Variants in SRPX2 observed in about 807,000 individuals in gnomAD.
SRPX2 encodes the protein sushi repeat containing protein X-linked 2.
In SRPX2, 26 loss-of-function variants were observed where a neutral mutation model predicts 45.3. The ratio of observed to expected loss-of-function variants is 0.57; its 90% CI spans 0.42 to 0.80. The LOEUF (loss-of-function observed/expected upper bound fraction) is 0.80, where lower values mean the gene tolerates loss of function less well. SRPX2 is among the 30% of genes least tolerant of loss of function. SRPX2 has a pLI of 0.00. For missense variants in SRPX2, 355 were observed against 399.8 expected, an observed-to-expected ratio of 0.89 and a Z score of 0.95; for synonymous variants, 125 against 143.7, an observed-to-expected ratio of 0.87 and a Z score of 0.93.
Position 100,673,589 on chromosome X carries a change from CACAT to C in SRPX2, c.*2606_*2609del, listed in dbSNP as rs2083238632. On this transcript the variant is annotated 3_prime_UTR_variant, in exon 11 of 11. Transcript: ENST00000373004. The stretch of plus-strand genomic sequence containing the variant: ...CCTATTTCTCTGTCTCTCTCTCTCT[CACAT>C]ACACACACACTCACTCACAAGCAGT... The C allele has an allele frequency of 9.0e-6, 1 of 111,524 alleles. No individual in the cohort carries two copies. The highest frequency in any genetic ancestry group is 1.9e-5 in the Non-Finnish European group (1 of 53,201). 9.2% of individuals were successfully genotyped at this position (111,524 alleles called of 1,213,427 possible). A position where few individuals can be genotyped will look rare whatever the true frequency, so the allele number is the denominator to read the frequency against.
intron 2 of SRPX2, chrX:100,649,393 C>T (rs2083145339): frequency 9.3e-6 from 1 of 107,622 alleles, no homozygotes; most frequent in African/African-American, 3.6e-5. Context: ...ACCAAAGAAA[C>T]CTCCCATTAT....
At chrX:100,654,082 G>C (rs1429051296) in intron 3 of SRPX2, among the ~76,000 whole-genome samples, 1 of 112,301 alleles carries the variant, frequency 8.9e-6, no homozygotes, top group Admixed American at 9.4e-5. Flanking sequence ...ATAGTTTGGA[G>C]AGGTGGCTAG....
At chrX:100,661,920 A>G (rs1367622269) in intron 3 of SRPX2, among the ~76,000 whole-genome samples, 2 of 89,393 alleles carry the variant, frequency 2.2e-5, no homozygotes, top group Non-Finnish European at 4.3e-5. Context: ...TGTGAGACTT[A>G]GGTCGAGGTG....
In SRPX2 at chrX:100,669,146, C is replaced by T; in HGVS notation, c.1096-102C>T. On this transcript the variant is annotated intron_variant, in intron 9 of 10. Coordinates refer to ENST00000373004, the MANE Select transcript of SRPX2 (RefSeq NM_014467.3). ...CGTGATCATTGGGGGAGAAGGAGCT[C>T]CTTTCCCACACTGCTTCATATGGTC... The T allele has an allele frequency of 5.4e-6, 6 of 1,114,459 alleles. No individual in the cohort carries two copies. The South Asian group carries it at 9.2e-5, about 17-fold the overall frequency. 91.8% of individuals were successfully genotyped at this position (1,114,459 alleles called of 1,213,427 possible).
At chrX:100,660,149 T>G (rs756214157) in intron 3 of SRPX2, among the ~76,000 whole-genome samples, 3 of 111,827 alleles carry the variant, frequency 2.7e-5, no homozygotes, top group Non-Finnish European at 5.6e-5. Flanking sequence ...TCCTTTAAAT[T>G]TTTATTTTAA....
Position 100,673,552 on chromosome X carries a change from C to T in SRPX2, c.*2565C>T, listed in dbSNP as rs1447721393. ...ACTGCCCCATTCTCTCTTATCCTGC[C>T]TATTCCTCTCCCCTATTTCTCTGTC... On this transcript the variant is annotated 3_prime_UTR_variant, in exon 11 of 11. Transcript: ENST00000373004. The T allele has an allele frequency of 9.0e-6, 1 of 110,892 alleles. No individual in the cohort carries two copies. The highest frequency in any genetic ancestry group is 1.9e-5 in the Non-Finnish European group (1 of 53,029). The allele number at this position is 110,892 out of a possible 1,213,427, so 9.1% of individuals were successfully genotyped here. A position where few individuals can be genotyped will look rare whatever the true frequency, so the allele number is the denominator to read the frequency against.
chrX:100,662,467 C>G, intron 4 of SRPX2, 100 bp downstream of exon 4: 2 of 944,295 alleles, frequency 2.1e-6, no homozygotes, highest in East Asian at 6.1e-5. Flanking sequence ...ATATGCCCTT[C>G]TCTCAAGTAC....
At chrX:100,660,645 A>C (rs747514754) in intron 3 of SRPX2, among the ~76,000 whole-genome samples, 2 of 111,480 alleles carry the variant, frequency 1.8e-5, no homozygotes, top group Admixed American at 9.5e-5. Flanking sequence ...CTAGCCAACA[A>C]GGTGAAACCC....
In SRPX2 at chrX:100,671,441, C is replaced by CTTTT. The variant is rs34012120; in HGVS notation, c.*467_*470dup. On this transcript the variant is annotated 3_prime_UTR_variant, in exon 11 of 11. Coordinates refer to ENST00000373004, the MANE Select transcript of SRPX2 (RefSeq NM_014467.3). ...GGTGGGTAGCAGGGTACAAAACATCCTTTTTTTTTTTTTTTTGAGACGGAG... is the reference window on the plus strand; with the variant it reads ...GGTGGGTAGCAGGGTACAAAACATCCTTTTTTTTTTTTTTTTTTTTGAGACGGAG... 37 of 90,299 alleles carry CTTTT rather than the reference C, an allele frequency of 4.1e-4. No homozygotes were observed. The highest frequency in any genetic ancestry group is 5.2e-4 in the Admixed American group (4 of 7,623). 7.4% of individuals were successfully genotyped at this position (90,299 alleles called of 1,213,427 possible).
chrX:100,673,199 C>T lies in SRPX2; in HGVS notation c.*2212C>T, dbSNP rs999897406. On this transcript the variant is annotated 3_prime_UTR_variant, in exon 11 of 11. Transcript: ENST00000373004. ...TTCAAATGGGGCAAGCCAGGACATA[C>T]TAGCAGGTCAAAGGCCCAAACAGCG... The T allele has an allele frequency of 4.5e-5, 5 of 112,242 alleles. No individual in the cohort carries two copies. Among genetic ancestry groups the T allele is most frequent in the African/African-American group, 1.6e-4 (5 of 30,812 alleles). 9.3% of individuals were successfully genotyped at this position (112,242 alleles called of 1,213,427 possible).
Position 100,671,298 on chromosome X carries a change from A to T in SRPX2, c.*311A>T, listed in dbSNP as rs746716442. On this transcript the variant is annotated 3_prime_UTR_variant, in exon 11 of 11. Coordinates refer to ENST00000373004, the MANE Select transcript of SRPX2 (RefSeq NM_014467.3). Reference sequence around the variant, plus strand: ...AAAGTAAATCCTAAATTCAGTGATGAACTGGCTGTTTTAACTGGTTCCTCT... The same window carrying T: ...AAAGTAAATCCTAAATTCAGTGATGTACTGGCTGTTTTAACTGGTTCCTCT... 2.7e-5 allele frequency: 9 copies of T among 334,220 alleles called. No homozygotes were observed. Among genetic ancestry groups the T allele is most frequent in the Non-Finnish European group, 4.3e-5 (8 of 187,887 alleles). 27.5% of individuals were successfully genotyped at this position (334,220 alleles called of 1,213,427 possible). A position where few individuals can be genotyped will look rare whatever the true frequency, so the allele number is the denominator to read the frequency against.
intron 3 of SRPX2, among the ~76,000 whole-genome samples, chrX:100,655,968 A>T (rs2083167911): frequency 9.5e-6 from 1 of 105,666 alleles, no homozygotes; most frequent in Admixed American, 1.0e-4. Flanking sequence ...GGTTCAAGCA[A>T]TTCTCCTGCC....
In SRPX2 at chrX:100,671,753, CTTGT is replaced by C. The variant is rs1014340687; in HGVS notation, c.*771_*774del. 4 of 113,093 alleles carry C rather than the reference CTTGT, an allele frequency of 3.5e-5. No homozygotes were observed. The highest frequency in any genetic ancestry group is 1.3e-4 in the African/African-American group (4 of 30,972). 9.3% of individuals were successfully genotyped at this position (113,093 alleles called of 1,213,427 possible). On this transcript the variant is annotated 3_prime_UTR_variant, in exon 11 of 11. Coordinates refer to ENST00000373004, the MANE Select transcript of SRPX2 (RefSeq NM_014467.3). ...ACGCCCAGCCCAAAACATTCTTGAA[CTTGT>C]TTGTCATTTCCCCTTCTAGGGCACT... is the stretch of plus-strand genomic sequence containing the variant.
At chrX:100,653,684 G>A (rs1485426424) in intron 3 of SRPX2, among the ~76,000 whole-genome samples, 3 of 111,740 alleles carry the variant, frequency 2.7e-5, no homozygotes, top group East Asian at 2.8e-4. Context: ...GCTTTCTCTC[G>A]CCCATTTATT....
chrX:100,652,333 C>T (rs2083156199), intron 3 of SRPX2, among the ~76,000 whole-genome samples: 1 of 112,163 alleles, frequency 8.9e-6, no homozygotes, highest in Non-Finnish European at 1.9e-5. Context: ...TCAGTCTGTA[C>T]ACCTGGAAGA....
At chrX:100,656,431 G>T (rs2083169539) in intron 3 of SRPX2, among the ~76,000 whole-genome samples, 1 of 110,995 alleles carries the variant, frequency 9.0e-6, no homozygotes, top group Non-Finnish European at 1.9e-5. Flanking sequence ...TCTAACTATA[G>T]ATTTGTATCC....
intron 3 of SRPX2, among the ~76,000 whole-genome samples, chrX:100,659,726 C>T (rs867279708): frequency 9.2e-6 from 1 of 108,487 alleles, no homozygotes; most frequent in African/African-American, 3.3e-5. Flanking sequence ...TCCAGTTGCA[C>T]TCAGAAAGAG....
chrX:100,660,146 A>C (rs1264909549), intron 3 of SRPX2, among the ~76,000 whole-genome samples: 1 of 111,071 alleles, frequency 9.0e-6, no homozygotes, highest in African/African-American at 3.3e-5. Flanking sequence ...TTATCCTTTA[A>C]ATTTTTATTT....
At position 100,670,998 on chromosome X, in the gene SRPX2, G is replaced by C. The variant is rs1339276255; in HGVS notation, c.*11G>C. ...GACATATGCGAGTGAACTTGAGCCA[G>C]GGCATGGTTAAAGTCAAGGGAAAAG... On this transcript the variant is annotated 3_prime_UTR_variant, in exon 11 of 11. Transcript: ENST00000373004. 8.3e-7 allele frequency: 1 copy of C among 1,203,315 alleles called. No homozygotes were observed. Among genetic ancestry groups the C allele is most frequent in the Admixed American group, 2.2e-5 (1 of 45,008 alleles).
Sources: allele counts gnomAD v4.1 joint callset (sites outside exome capture counted in the v4.1 genomes callset), GRCh38; gene constraint gnomAD v4.1.1; transcripts MANE v1.5; gene names NCBI Gene and HGNC (gene_info 2026-07-23, HGNC 2026-07-21).